Variants in HECTD2 observed in about 807,000 individuals in gnomAD.
HECTD2 encodes the protein HECT domain E3 ubiquitin protein ligase 2, also known as probable E3 ubiquitin-protein ligase HECTD2.
In HECTD2, 35 loss-of-function variants were observed where a neutral mutation model predicts 103.2. That is an observed-to-expected ratio of 0.34 (90% CI 0.26 to 0.45). HECTD2 has a LOEUF of 0.45. Among genes scored for constraint, HECTD2 ranks in the 20% least tolerant of loss-of-function variants. HECTD2 has a pLI of 1.00. For synonymous variants in HECTD2, 281 were observed against 329.9 expected (o/e 0.85, Z 1.61); for missense variants, 596 against 937.4 (o/e 0.64, Z 4.76).
Position 91,496,266 on chromosome 10 carries a change from C to T in HECTD2, c.1574C>T (p.Pro525Leu), listed in dbSNP as rs768170603. ...ATCACCTTGGATATTCGTTTCCCTCCCTGCTGTTACAAGAAATTATTGAGC... is the reference window on the plus strand; with the variant it reads ...ATCACCTTGGATATTCGTTTCCCTCTCTGCTGTTACAAGAAATTATTGAGC... ...NSITLDIRFP[P>L]CCYKKLLSPP... is the part of the protein sequence containing the mutation. Residue 525 changes from proline (P) to leucine (L), a missense_variant, in exon 15 of 21, where the codon CCC becomes CTC. Pro to Leu is a moderately conservative substitution (Grantham distance 98, BLOSUM62 -3). Transcript: ENST00000298068. 6.8e-6 allele frequency: 11 copies of T among 1,612,536 alleles called. No individual in the cohort carries two copies. The South Asian group carries it at 9.9e-5, about 15-fold the overall frequency.
chr10:91,501,429 G>A lies in HECTD2; in HGVS notation c.2210+95G>A, dbSNP rs536659086. On this transcript the variant is annotated intron_variant, in intron 20 of 20. Coordinates refer to ENST00000298068, the MANE Select transcript of HECTD2 (RefSeq NM_182765.6). ...TGGAATCAGGATGTGTACTCCGTTT[G>A]AAGTTATTTTCATAGAAAAATCTTC... 5.7e-6 allele frequency: 4 copies of A among 703,324 alleles called. No homozygotes were observed. In the South Asian group the frequency reaches 1.2e-4, roughly 20 times the overall value. 43.6% of individuals were successfully genotyped at this position (703,324 alleles called of 1,614,324 possible). A position where few individuals can be genotyped will look rare whatever the true frequency, so the allele number is the denominator to read the frequency against.
chr10:91,432,073 T>G (rs1182483647), intron 2 of HECTD2, among the ~76,000 whole-genome samples: 1 of 151,844 alleles, frequency 6.6e-6, no homozygotes, highest in East Asian at 1.9e-4. Context: ...TGGCATGGAG[T>G]TTATTTGTTA....
intron 2 of HECTD2, among the ~76,000 whole-genome samples, chr10:91,441,886 CTTTTTTT>C (rs765691512): frequency 6.1e-5 from 5 of 81,954 alleles, no homozygotes; most frequent in Admixed American, 1.4e-4. Flanking sequence ...GCAACCCTTG[CTTTTTTT>C]TTTTTTTTTT....
intron 2 of HECTD2, among the ~76,000 whole-genome samples, chr10:91,456,920 T>C (rs562338923): frequency 6.6e-6 from 1 of 151,946 alleles, no homozygotes; most frequent in African/African-American, 2.4e-5. Context: ...TTTGACAAGA[T>C]CAGTAAAATT....
chr10:91,439,834 C>G (rs1445288999), intron 2 of HECTD2, among the ~76,000 whole-genome samples: 3 of 152,020 alleles, frequency 2.0e-5, no homozygotes, highest in African/African-American at 4.8e-5. Flanking sequence ...ATTTTATTCT[C>G]TTTGTAGCAG....
At chr10:91,502,528 C>A (rs1041240826) in intron 20 of HECTD2, among the ~76,000 whole-genome samples, 2 of 152,148 alleles carry the variant, frequency 1.3e-5, no homozygotes, top group Non-Finnish European at 2.9e-5. Context: ...AGTAATCACA[C>A]ATGGTAAGTG....
Position 91,460,477 on chromosome 10 carries a change from T to C in HECTD2, c.319T>C (p.Ser107Pro). Residue 107 changes from serine to proline, a missense_variant, in exon 3 of 21, where the codon TCT becomes CCT. Ser to Pro is a moderately conservative substitution (Grantham distance 74). Transcript: ENST00000298068. ...CLDVRQKQRTSMDASSSEMKA... is the reference protein window; with the variant it reads ...CLDVRQKQRTPMDASSSEMKA... ...TGATGTTAGACAAAAACAGCGTACA[T>C]CTATGGATGCATCATCATCCGAAAT... 1 of 1,612,468 alleles carries C rather than the reference T, an allele frequency of 6.2e-7. No individual in the cohort carries two copies. The highest frequency in any genetic ancestry group is 8.5e-7 in the Non-Finnish European group (1 of 1,178,916).
rs573857465 is a variant in HECTD2 at position 91,452,064 on chromosome 10, AAGAC to A, written c.269-8359_269-8356del. Among the ~76,000 whole-genome samples, 8 of 152,254 alleles carry A rather than the reference AAGAC, an allele frequency of 5.3e-5. No homozygotes were observed. The East Asian group carries it at 9.7e-4, about 18-fold the overall frequency. On this transcript the variant is annotated intron_variant, in intron 2 of 20. Transcript: ENST00000298068. ...GAGGGGATAGGAATCAATGAACTGGAAGACAGAACAATAGAAATTATCCAGTCTT... is the reference window on the plus strand; with the variant it reads ...GAGGGGATAGGAATCAATGAACTGGAAGAACAATAGAAATTATCCAGTCTT...
chr10:91,496,439 T>C (rs1589543052), intron 15 of HECTD2, 67 bp downstream of exon 15: 1 of 1,007,870 alleles, frequency 9.9e-7, no homozygotes. Context: ...CTGCACAGTC[T>C]CTCCTCCTAA....
chr10:91,505,208 C>T (rs1401197543), intron 20 of HECTD2, among the ~76,000 whole-genome samples: 3 of 151,838 alleles, frequency 2.0e-5, no homozygotes, highest in African/African-American at 7.3e-5. Context: ...GAAGAAACTG[C>T]ATCAACTAAC....
At position 91,483,014 on chromosome 10, in the gene HECTD2, G is replaced by A; in HGVS notation, c.759G>A (p.Leu253=). 6.3e-7 allele frequency: 1 copy of A among 1,590,886 alleles called. No individual in the cohort carries two copies. Among genetic ancestry groups the A allele is most frequent in the Non-Finnish European group, 8.6e-7 (1 of 1,161,828 alleles). The change falls in exon 8 of 21, where the codon TTG becomes TTA. Residue 253 remains leucine, a synonymous_variant. Coordinates refer to ENST00000298068, the MANE Select transcript of HECTD2 (RefSeq NM_182765.6). Reference sequence around the variant, plus strand: ...CTACGTATGTCATCTATGCTCACTTGCTACGACAGATAGCTACCTTAGTGG... The same window carrying A: ...CTACGTATGTCATCTATGCTCACTTACTACGACAGATAGCTACCTTAGTGG... ...NTSTYVIYAH[L]LRQIATLVEA... is the part of the protein sequence containing the mutation.
At chr10:91,438,617 G>C (rs1372555117) in intron 2 of HECTD2, among the ~76,000 whole-genome samples, 1 of 152,080 alleles carries the variant, frequency 6.6e-6, no homozygotes, top group African/African-American at 2.4e-5. Flanking sequence ...TGGGTCACAT[G>C]GTATTTCTGG....
intron 2 of HECTD2, among the ~76,000 whole-genome samples, chr10:91,436,726 T>C (rs571655787): frequency 2.0e-5 from 3 of 152,184 alleles, no homozygotes; most frequent in Non-Finnish European, 2.9e-5. Context: ...TTCCCCGTTA[T>C]ATTCCCAGTT....
At chr10:91,478,911 G>A (rs1845997814) in intron 6 of HECTD2, among the ~76,000 whole-genome samples, 1 of 151,886 alleles carries the variant, frequency 6.6e-6, no homozygotes, top group Admixed American at 6.5e-5. Context: ...AATGTTACAT[G>A]TACCATATAT....
chr10:91,462,726 A>G (rs1036524232), intron 5 of HECTD2: 29 of 986,558 alleles, frequency 2.9e-5, no homozygotes, highest in Non-Finnish European at 3.5e-5. Flanking sequence ...ATAAAGACAG[A>G]ATGTAAACAA....
rs557331446 is a variant in HECTD2, at chr10:91,446,156, G to C, written c.269-14271G>C. Among the ~76,000 whole-genome samples the C allele has an allele frequency of 1.6e-3, 246 of 151,704 alleles. 1 individual carries two copies. The highest frequency in any genetic ancestry group is 2.4e-3 in the Non-Finnish European group (166 of 67,772). ...CTGGCATCTGGCAGGTGCCCCTCTGGGACAAAGCTTCCAGAGGAAGGAACA... is the reference window on the plus strand; with the variant it reads ...CTGGCATCTGGCAGGTGCCCCTCTGCGACAAAGCTTCCAGAGGAAGGAACA... On this transcript the variant is annotated intron_variant, in intron 2 of 20. Transcript: ENST00000298068.
chr10:91,462,190 T>C lies in HECTD2; in HGVS notation c.600+6T>C, dbSNP rs1380323958. On this transcript the variant is annotated splice_donor_region_variant and intron_variant, in intron 5 of 20. Transcript: ENST00000298068. ...ATGATACCTTACTTAATACTGTAAG[T>C]ATTATGACATGCAAGTAATATTATT... is the stretch of plus-strand genomic sequence containing the variant. 6.4e-7 allele frequency: 1 copy of C among 1,573,328 alleles called. No homozygotes were observed. Among genetic ancestry groups the C allele is most frequent in the Non-Finnish European group, 8.7e-7 (1 of 1,153,334 alleles).
At chr10:91,493,557 T>TAAAG in intron 14 of HECTD2, 49 bp downstream of exon 14, 1 of 971,336 alleles carries the variant, frequency 1.0e-6, no homozygotes, top group Non-Finnish European at 1.5e-6. Flanking sequence ...TAGAGATTTT[T>TAAAG]AAAGATTTTA....
chr10:91,509,315 A>G (rs1158957970), intron 20 of HECTD2, among the ~76,000 whole-genome samples: 1 of 152,124 alleles, frequency 6.6e-6, no homozygotes, highest in African/African-American at 2.4e-5. Context: ...AAAATAGCAG[A>G]TGCTGACAAG....
Sources: gnomAD v4.1 joint callset for allele counts (sites outside exome capture counted in the v4.1 genomes callset) on GRCh38, gnomAD v4.1.1 for gene constraint, MANE v1.5 for transcripts, NCBI Gene and HGNC (gene_info 2026-07-23, HGNC 2026-07-21) for gene names.